The following HFE variants were observed in gnomAD, a reference collection of about 807,000 sequenced individuals.
HFE encodes hereditary hemochromatosis protein.
A neutral mutation model predicts 40.9 loss-of-function variants in HFE; 36 were observed. The observed-to-expected ratio is 0.88, with a 90% confidence interval of 0.67 to 1.16. HFE has a LOEUF of 1.16. Ranked by LOEUF, HFE falls within the 50% of genes most tolerant of loss-of-function variation. The pLI is 0.00. For missense variants in HFE, 376 were observed against 432.0 expected (o/e 0.87, Z 1.15); for synonymous variants, 157 against 165.4 (o/e 0.95, Z 0.39).
At chr6:26,090,000 T>C (rs1412474628) in intron 1 of HFE, among the ~76,000 whole-genome samples, 1 of 151,962 alleles carries the variant, frequency 6.6e-6, no homozygotes, top group East Asian at 1.9e-4. Context: ...GCCTGAGCAG[T>C]GGGGTAATTG....
chr6:26,087,698 A>C (rs901491399), intron 1 of HFE, among the ~76,000 whole-genome samples, 182 bp downstream of exon 1: 3 of 152,278 alleles, frequency 2.0e-5, no homozygotes, highest in East Asian at 1.9e-4. Flanking sequence ...TGAACTGCAG[A>C]TAGGGGTCCC....
rs707889 is a variant in HFE, at chr6:26,095,703, G to A, written c.*1477G>A. Reference sequence around the variant, plus strand: ...TCTTGTCTCATTGTGTTTCTTCTGAGTGAGCTTGAATCACATGAAGGGGAA... The same window carrying A: ...TCTTGTCTCATTGTGTTTCTTCTGAATGAGCTTGAATCACATGAAGGGGAA... On this transcript the variant is annotated 3_prime_UTR_variant, in exon 6 of 6. Transcript: ENST00000357618. 0.21 allele frequency: 32,519 copies of A among 151,964 alleles called. 3,729 individuals are homozygous for A. Among genetic ancestry groups the A allele is most frequent in the African/African-American group, 0.25 (10,146 of 41,398 alleles). The allele number at this position is 151,964 out of a possible 1,614,324, so 9.4% of individuals were successfully genotyped here.
rs1320769987 is a variant in HFE at position 26,096,491 on chromosome 6, A to C, written c.*2265A>C. On this transcript the variant is annotated 3_prime_UTR_variant, in exon 6 of 6. Transcript: ENST00000357618. The stretch of plus-strand genomic sequence containing the variant: ...GCATGTGTTTACTTTATGTTACTAC[A>C]TGCACTTGGCTGCATAAATGTGGTA... 2.2e-6 allele frequency: 1 copy of C among 456,514 alleles called. No individual in the cohort carries two copies. Among genetic ancestry groups the C allele is most frequent in the Non-Finnish European group, 4.4e-6 (1 of 226,814 alleles). 28.3% of individuals were successfully genotyped at this position (456,514 alleles called of 1,614,324 possible).
In HFE at chr6:26,095,194, A is replaced by G. The variant is rs949713325; in HGVS notation, c.*968A>G. The G allele has an allele frequency of 6.6e-6, 1 of 152,266 alleles. No homozygotes were observed. Among genetic ancestry groups the G allele is most frequent in the Non-Finnish European group, 1.5e-5 (1 of 68,062 alleles). The allele number at this position is 152,266 out of a possible 1,614,324, so 9.4% of individuals were successfully genotyped here. A position where few individuals can be genotyped will look rare whatever the true frequency, so the allele number is the denominator to read the frequency against. On this transcript the variant is annotated 3_prime_UTR_variant, in exon 6 of 6. Transcript: ENST00000357618. ...ATTATCCCCATTTCTTTTTTAAATG[A>G]AGAAAGTGAAGTAGGCCGGGCACGG...
rs988748722 is a variant in HFE at position 26,096,904 on chromosome 6, A to G, written c.*2678A>G. The G allele has an allele frequency of 4.7e-6, 1 of 212,156 alleles. No homozygotes were observed. Among genetic ancestry groups the G allele is most frequent in the African/African-American group, 2.4e-5 (1 of 41,996 alleles). The allele number at this position is 212,156 out of a possible 1,614,324, so 13.1% of individuals were successfully genotyped here. A position where few individuals can be genotyped will look rare whatever the true frequency, so the allele number is the denominator to read the frequency against. ...TCGCTTTGTCATTTTGGAGACATTT[A>G]TTTTGCTTCTAATTTCTTTACATTT... On this transcript the variant is annotated 3_prime_UTR_variant, in exon 6 of 6. Transcript: ENST00000357618.
chr6:26,092,171 CT>C (rs1762758806), intron 3 of HFE, among the ~76,000 whole-genome samples: 1 of 66,998 alleles, frequency 1.5e-5, no homozygotes. Context: ...GAGACTCCAT[CT>C]TAAAAAAAAA....
chr6:26,095,244 C>G lies in HFE; in HGVS notation c.*1018C>G, dbSNP rs1010091043. The G allele has an allele frequency of 1.3e-5, 2 of 152,254 alleles. No individual in the cohort carries two copies. Among genetic ancestry groups the G allele is most frequent in the African/African-American group, 4.8e-5 (2 of 41,460 alleles). 9.4% of individuals were successfully genotyped at this position (152,254 alleles called of 1,614,324 possible). On this transcript the variant is annotated 3_prime_UTR_variant, in exon 6 of 6. Coordinates refer to ENST00000357618, the MANE Select transcript of HFE (RefSeq NM_000410.4). ...GTGGCTCACGCCTGTAATCCCAGCA[C>G]TTTGGGAGGCCAAAGCGGGTGGATC... is the stretch of plus-strand genomic sequence containing the variant.
At position 26,096,367 on chromosome 6, in the gene HFE, C is replaced by T. The variant is rs745713746; in HGVS notation, c.*2141C>T. The T allele has an allele frequency of 2.5e-5, 11 of 445,946 alleles. No individual in the cohort carries two copies. The highest frequency in any genetic ancestry group is 4.5e-5 in the Non-Finnish European group (10 of 223,596). The allele number at this position is 445,946 out of a possible 1,614,324, so 27.6% of individuals were successfully genotyped here. A position where few individuals can be genotyped will look rare whatever the true frequency, so the allele number is the denominator to read the frequency against. ...CAGGCTGGTCTCGAACTCTCCTGACCTCGTGATCCGCCTGCCTCGGCCTCC... is the reference window on the plus strand; with the variant it reads ...CAGGCTGGTCTCGAACTCTCCTGACTTCGTGATCCGCCTGCCTCGGCCTCC... On this transcript the variant is annotated 3_prime_UTR_variant, in exon 6 of 6. Transcript: ENST00000357618.
In HFE at chr6:26,096,797, G is replaced by A. The variant is rs577937843; in HGVS notation, c.*2571G>A. The A allele has an allele frequency of 1.4e-5, 5 of 358,844 alleles. No homozygotes were observed. Among genetic ancestry groups the A allele is most frequent in the Non-Finnish European group, 2.2e-5 (4 of 185,260 alleles). The allele number at this position is 358,844 out of a possible 1,614,324, so 22.2% of individuals were successfully genotyped here. A position where few individuals can be genotyped will look rare whatever the true frequency, so the allele number is the denominator to read the frequency against. On this transcript the variant is annotated 3_prime_UTR_variant, in exon 6 of 6. Coordinates refer to ENST00000357618, the MANE Select transcript of HFE (RefSeq NM_000410.4). ...TTAGTATTATTGTTGCATTAAAAAT[G>A]CATATACTTTAATAAATGTATATTG... is the stretch of plus-strand genomic sequence containing the variant.
At chr6:26,090,471 A>AT (rs1762616116) in intron 1 of HFE, among the ~76,000 whole-genome samples, 1 of 144,496 alleles carries the variant, frequency 6.9e-6, no homozygotes, top group African/African-American at 2.6e-5. Flanking sequence ...AAAAAAAAAA[A>AT]CTGAAGGAAT....
intron 1 of HFE, among the ~76,000 whole-genome samples, chr6:26,088,632 G>C (rs1336618081): frequency 6.6e-6 from 1 of 152,176 alleles, no homozygotes; most frequent in African/African-American, 2.4e-5. Context: ...GGCACGGCCT[G>C]CTTCCTGGCA....
chr6:26,087,963 A>T (rs1258163819), intron 1 of HFE, among the ~76,000 whole-genome samples: 1 of 152,214 alleles, frequency 6.6e-6, no homozygotes, highest in Admixed American at 6.5e-5. Context: ...GAGCAAACCC[A>T]CAGCAGGATC....
intron 1 of HFE, among the ~76,000 whole-genome samples, chr6:26,089,820 G>A (rs942934800): frequency 4.0e-5 from 6 of 151,878 alleles, no homozygotes; most frequent in Admixed American, 6.6e-5. Flanking sequence ...CTAGCTACTC[G>A]GGAGGCTGAG....
chr6:26,096,284 C>G lies in HFE; in HGVS notation c.*2058C>G, dbSNP rs567433242. On this transcript the variant is annotated 3_prime_UTR_variant, in exon 6 of 6. Coordinates refer to ENST00000357618, the MANE Select transcript of HFE (RefSeq NM_000410.4). Reference sequence around the variant, plus strand: ...AAGTAGCTGGGATTACAGGCGTGCACCACCATGCCCGGCTAATTTTTGTAT... The same window carrying G: ...AAGTAGCTGGGATTACAGGCGTGCAGCACCATGCCCGGCTAATTTTTGTAT... 10 of 340,740 alleles carry G rather than the reference C, an allele frequency of 2.9e-5. No homozygotes were observed. Among genetic ancestry groups the G allele is most frequent in the Non-Finnish European group, 5.2e-5 (9 of 173,816 alleles). The allele number at this position is 340,740 out of a possible 1,614,324, so 21.1% of individuals were successfully genotyped here.
In HFE at chr6:26,087,432, G is replaced by A. The variant is rs1357307297; in HGVS notation, c.-9G>A. 1 of 1,613,912 alleles carries A rather than the reference G, an allele frequency of 6.2e-7. No individual in the cohort carries two copies. Among genetic ancestry groups the A allele is most frequent in the South Asian group, 1.1e-5 (1 of 91,092 alleles). On this transcript the variant is annotated 5_prime_UTR_variant, in exon 1 of 6. Transcript: ENST00000357618. Reference sequence around the variant, plus strand: ...GATTTAACGGGGACGTGCGGCCAGAGCTGGGGAAATGGGCCCGCGAGCCAG... The same window carrying A: ...GATTTAACGGGGACGTGCGGCCAGAACTGGGGAAATGGGCCCGCGAGCCAG...
chr6:26,093,724 A>C (rs1276386530), intron 5 of HFE, among the ~76,000 whole-genome samples: 1 of 152,002 alleles, frequency 6.6e-6, no homozygotes, highest in Non-Finnish European at 1.5e-5. Flanking sequence ...AGACGGAGCA[A>C]CCATGCCAAG....
At chr6:26,093,579 C>G (rs1045076656) in intron 5 of HFE, among the ~76,000 whole-genome samples, 2 of 152,012 alleles carry the variant, frequency 1.3e-5, no homozygotes, top group African/African-American at 4.8e-5. Context: ...GGTCCTAAAG[C>G]AGGCAGGAAG....
rs1649817048 is a variant in HFE at position 26,093,119 on chromosome 6, A to G, written c.893A>G (p.Glu298Gly). The change falls in exon 5 of 6, where the codon GAG becomes GGG. Residue 298 changes from glutamate (E) to glycine (G), a missense_variant and splice_region_variant. Physicochemically the swap from Glu to Gly is moderately conservative, Grantham distance 98. Around this residue, in one of 3 missense-constraint regions of HFE, gnomAD observed 173 missense variants for 186.9 expected, o/e 0.93. Coordinates refer to ENST00000357618, the MANE Select transcript of HFE (RefSeq NM_000410.4). ...CTTTAACTTGCTTTTTCTGTTTTAG[A>G]GCCCTCACCGTCTGGCACCCTAGTC... Reference protein sequence around the residue: ...GLDQPLIVIWEPSPSGTLVIG... With the variant: ...GLDQPLIVIWGPSPSGTLVIG... The G allele has an allele frequency of 6.2e-7, 1 of 1,613,868 alleles. No individual in the cohort carries two copies. Among genetic ancestry groups the G allele is most frequent in the African/African-American group, 1.3e-5 (1 of 74,870 alleles).
rs1185161657 is a variant in HFE, at chr6:26,096,504, C to T, written c.*2278C>T. On this transcript the variant is annotated 3_prime_UTR_variant, in exon 6 of 6. Coordinates refer to ENST00000357618, the MANE Select transcript of HFE (RefSeq NM_000410.4). ...TTATGTTACTACATGCACTTGGCTGCATAAATGTGGTACAAGCATTCTGTC... is the reference window on the plus strand; with the variant it reads ...TTATGTTACTACATGCACTTGGCTGTATAAATGTGGTACAAGCATTCTGTC... The T allele has an allele frequency of 2.2e-6, 1 of 456,484 alleles. No homozygotes were observed. The highest frequency in any genetic ancestry group is 6.9e-5 in the East Asian group (1 of 14,400). The allele number at this position is 456,484 out of a possible 1,614,324, so 28.3% of individuals were successfully genotyped here.
Sources: gnomAD v4.1 joint callset for allele counts (sites outside exome capture counted in the v4.1 genomes callset) on GRCh38, gnomAD v4.1.1 for gene constraint, gnomAD v4.1.1 regional missense constraint, MANE v1.5 for transcripts, NCBI Gene and HGNC (gene_info 2026-07-23, HGNC 2026-07-21) for gene names.